STK4: variants seen among roughly 807,000 people sequenced by gnomAD.
STK4 encodes serine/threonine-protein kinase 4.
STK4 carries 30 observed loss-of-function variants against 64.9 expected under a neutral mutation model. The observed-to-expected ratio is 0.46, with a 90% CI of 0.35 to 0.63. The LOEUF is 0.63. Ranked by LOEUF, STK4 falls within the 20% of genes least tolerant of loss-of-function variation. The probability of loss-of-function intolerance (pLI) is 0.01; values close to 1 mark genes in which losing one functional copy is unlikely to be tolerated. For synonymous variants in STK4, 177 were observed against 199.0 expected (o/e 0.89, Z 0.93); for missense variants, 466 against 598.5 (o/e 0.78, Z 2.31).
At chr20:44,987,108 T>C in intron 4 of STK4, 24 bp from the exon 5 acceptor site, 1 of 1,562,226 alleles carries the variant, frequency 6.4e-7, no homozygotes, top group Non-Finnish European at 8.7e-7. Context: ...CTGATAGAAT[T>C]TGAACTTCTT....
At chr20:45,058,053 TCACACACACACACACACACA>T (rs3044396) in intron 10 of STK4, among the ~76,000 whole-genome samples, 9 of 148,032 alleles carry the variant, frequency 6.1e-5, no homozygotes, top group African/African-American at 2.3e-4. Flanking sequence ...AGTTTGAAGG[TCACACACACACACACACACA>T]CACACACACA....
In STK4 at chr20:45,078,351, G is replaced by GC. The variant is rs1980678054; in HGVS notation, c.*3176dup. On this transcript the variant is annotated 3_prime_UTR_variant, in exon 11 of 11. Coordinates refer to ENST00000372806, the MANE Select transcript of STK4 (RefSeq NM_006282.5). ...CTCCCAGGTAGCTGCCACTACAGGT[G>GC]CTGCACCACCACGCCCGGCTAATTT... The GC allele has an allele frequency of 6.6e-6, 1 of 152,046 alleles. No individual in the cohort carries two copies. The highest frequency in any genetic ancestry group is 1.9e-4 in the East Asian group (1 of 5,200). The allele number at this position is 152,046 out of a possible 1,614,324, so 9.4% of individuals were successfully genotyped here.
chr20:45,070,002 T>G (rs1204686757), intron 10 of STK4, among the ~76,000 whole-genome samples: 2 of 151,690 alleles, frequency 1.3e-5, no homozygotes, highest in African/African-American at 4.9e-5. Context: ...TCTGAGGAGT[T>G]GACATCTAAA....
At chr20:45,048,475 G>A (rs1385059124) in intron 10 of STK4, among the ~76,000 whole-genome samples, 1 of 151,984 alleles carries the variant, frequency 6.6e-6, no homozygotes, top group Admixed American at 6.6e-5. Flanking sequence ...CACTTTTGTT[G>A]CAGGCCCTGC....
At chr20:45,005,664 A>C (rs953350978) in intron 9 of STK4, among the ~76,000 whole-genome samples, 2 of 151,040 alleles carry the variant, frequency 1.3e-5, no homozygotes, top group Non-Finnish European at 2.9e-5. Context: ...AAAAAAAAAA[A>C]AAACAAAACG....
chr20:44,988,834 G>A lies in STK4; in HGVS notation c.525+1538G>A, dbSNP rs1057093274. ...CTTGACAACCACTAATCTACTTTCT[G>A]TCACTATAGATTTGCATATTCTGAA... On this transcript the variant is annotated intron_variant, in intron 5 of 10. Transcript: ENST00000372806. Among the ~76,000 whole-genome samples the A allele has an allele frequency of 5.3e-5, 8 of 151,642 alleles. 1 individual carries two copies. Among genetic ancestry groups the A allele is most frequent in the African/African-American group, 1.9e-4 (8 of 41,278 alleles).
At chr20:45,027,097 T>G (rs2068362369) in intron 10 of STK4, among the ~76,000 whole-genome samples, 1 of 152,220 alleles carries the variant, frequency 6.6e-6, no homozygotes, top group South Asian at 2.1e-4. Context: ...TCTGTAGTAC[T>G]TCTAAGCTTA....
Position 45,076,699 on chromosome 20 carries a change from A to G in STK4, c.*1523A>G, listed in dbSNP as rs563666574. The G allele has an allele frequency of 2.0e-5, 3 of 152,240 alleles. No homozygotes were observed. The highest frequency in any genetic ancestry group is 1.3e-4 in the Admixed American group (2 of 15,280). The allele number at this position is 152,240 out of a possible 1,614,324, so 9.4% of individuals were successfully genotyped here. ...GACAGCATAGAGCCATCTTCCTGCA[A>G]CTTTACCTCTTTCCCTCAGATGGGG... On this transcript the variant is annotated 3_prime_UTR_variant, in exon 11 of 11. Coordinates refer to ENST00000372806, the MANE Select transcript of STK4 (RefSeq NM_006282.5). This position sits in a 1 kb window ranked among gnomAD's most constrained non-coding sequence, Gnocchi z 4.0.
intron 4 of STK4, 95 bp downstream of exon 4, chr20:44,982,038 C>G (rs990178775): frequency 2.6e-6 from 2 of 755,880 alleles, no homozygotes; most frequent in Non-Finnish European, 4.5e-6. Flanking sequence ...ACTAGAGAGA[C>G]GACTGTCAGA....
At chr20:44,967,525 C>T (rs938695461) in intron 1 of STK4, among the ~76,000 whole-genome samples, 5 of 152,174 alleles carry the variant, frequency 3.3e-5, no homozygotes, top group African/African-American at 1.2e-4. Context: ...GGGTCTTTTG[C>T]CACTCTACCA....
intron 10 of STK4, among the ~76,000 whole-genome samples, chr20:45,031,810 CAGA>C (rs2068448192): frequency 6.8e-6 from 1 of 146,592 alleles, no homozygotes; most frequent in South Asian, 2.1e-4. Flanking sequence ...GGGGCCGAGG[CAGA>C]AGAATTGCTT....
intron 9 of STK4, among the ~76,000 whole-genome samples, chr20:45,017,908 A>G (rs1025218989): frequency 6.6e-6 from 1 of 152,224 alleles, no homozygotes; most frequent in Non-Finnish European, 1.5e-5. Flanking sequence ...AAACTGCTTA[A>G]CTGGAAGAGT....
At chr20:45,002,244 G>A (rs1188376665) in intron 9 of STK4, among the ~76,000 whole-genome samples, 1 of 152,190 alleles carries the variant, frequency 6.6e-6, no homozygotes, top group Non-Finnish European at 1.5e-5. Flanking sequence ...CAACCTGTTA[G>A]TATGTGTTGT....
intron 10 of STK4, among the ~76,000 whole-genome samples, chr20:45,054,877 A>C (rs1978338124): frequency 6.6e-6 from 1 of 152,322 alleles, no homozygotes; most frequent in South Asian, 2.1e-4. Context: ...ACTGTCCAAC[A>C]AGGTCCCTGA....
At position 45,025,006 on chromosome 20, in the gene STK4, C is replaced by T. The variant is rs1157119510; in HGVS notation, c.1181C>T (p.Ser394Phe). The T allele has an allele frequency of 6.2e-7, 1 of 1,612,542 alleles. No individual in the cohort carries two copies. Among genetic ancestry groups the T allele is most frequent in the Admixed American group, 1.7e-5 (1 of 59,916 alleles). Residue 394 changes from serine (S) to phenylalanine (F), a missense_variant, in exon 10 of 11, where the codon TCC becomes TTC. By Grantham distance (155) the Ser-to-Phe change is radical. This residue lies in a region of STK4 where 276 missense variants were observed against 308.9 expected (regional missense o/e 0.89). Coordinates refer to ENST00000372806, the MANE Select transcript of STK4 (RefSeq NM_006282.5). ...RDETMQPAKPSFLEYFEQKEK... is the reference protein window; with the variant it reads ...RDETMQPAKPFFLEYFEQKEK... ...GAGACCATGCAGCCTGCGAAACCAT[C>T]CTTTCTTGAATATTTTGAACAAAAA...
intron 9 of STK4, among the ~76,000 whole-genome samples, chr20:45,012,281 AC>A (rs1465614804): frequency 1.3e-5 from 2 of 152,008 alleles, no homozygotes; most frequent in African/African-American, 4.8e-5. Context: ...TGATCCGTCC[AC>A]CTCAGCCTCC....
At chr20:45,018,725 CTT>C (rs11481831) in intron 9 of STK4, among the ~76,000 whole-genome samples, 35 of 140,252 alleles carry the variant, frequency 2.5e-4, no homozygotes, top group Non-Finnish European at 2.8e-4. Context: ...TAAAGTTCTA[CTT>C]TTTTTTTTTT....
At chr20:45,007,470 C>T (rs2067967753) in intron 9 of STK4, among the ~76,000 whole-genome samples, 1 of 152,036 alleles carries the variant, frequency 6.6e-6, no homozygotes, top group South Asian at 2.1e-4. Flanking sequence ...TAGCTTGAAC[C>T]CAGGAGGTGG....
Position 44,972,133 on chromosome 20 carries a change from G to A in STK4, c.91G>A (p.Asp31Asn). Reference sequence around the variant, plus strand: ...AACCAAACAACCAGAAGAAGTATTTGATGTCTTAGAGAAACTTGGAGAAGG... The same window carrying A: ...AACCAAACAACCAGAAGAAGTATTTAATGTCTTAGAGAAACTTGGAGAAGG... Reference protein sequence around the residue: ...SLTKQPEEVFDVLEKLGEGSY... With the variant: ...SLTKQPEEVFNVLEKLGEGSY... The change falls in exon 2 of 11, where the codon GAT (aspartate) becomes AAT (asparagine). Residue 31 changes from aspartate to asparagine, a missense_variant. By Grantham distance (23) the Asp-to-Asn change is conservative. This residue lies in a region of STK4 where 190 missense variants were observed against 289.7 expected (regional missense o/e 0.66). Coordinates refer to ENST00000372806, the MANE Select transcript of STK4 (RefSeq NM_006282.5). 1 of 1,613,928 alleles carries A rather than the reference G, an allele frequency of 6.2e-7. No homozygotes were observed. Among genetic ancestry groups the A allele is most frequent in the Non-Finnish European group, 8.5e-7 (1 of 1,179,932 alleles).
Sources: allele counts gnomAD v4.1 joint callset (sites outside exome capture counted in the v4.1 genomes callset), GRCh38; gene constraint gnomAD v4.1.1; regional missense constraint gnomAD v4.1.1; non-coding constraint Gnocchi (gnomAD v3.1); transcripts MANE v1.5; gene names NCBI Gene and HGNC (gene_info 2026-07-23, HGNC 2026-07-21).